The following ERBB4 variants were observed in gnomAD, a reference collection of about 807,000 sequenced individuals.
The protein encoded by ERBB4 is receptor tyrosine-protein kinase erbB-4.
In ERBB4, 42 loss-of-function variants were observed where a neutral mutation model predicts 158.0. The observed-to-expected ratio is 0.27, with a 90% CI of 0.21 to 0.34. The LOEUF (loss-of-function observed/expected upper bound fraction) is 0.34. Among genes scored for constraint, ERBB4 ranks in the 10% least tolerant of loss-of-function variants. The pLI, the probability that ERBB4 is intolerant of heterozygous loss-of-function variation, is 1.00. For missense variants in ERBB4, 1,333 were observed against 1,624.1 expected (o/e 0.82, Z 3.08); for synonymous variants, 583 against 558.7 (o/e 1.04, Z -0.61).
chr2:211,463,850 C>T (rs1323408296), intron 20 of ERBB4, among the ~76,000 whole-genome samples: 2 of 151,964 alleles, frequency 1.3e-5, no homozygotes, highest in African/African-American at 4.8e-5. Context: ...ATGATCTAGT[C>T]CCCATTACCT....
chr2:212,090,458 C>T (rs2078740350), intron 2 of ERBB4, among the ~76,000 whole-genome samples: 2 of 152,012 alleles, frequency 1.3e-5, no homozygotes, highest in African/African-American at 4.8e-5. Context: ...TCTAAAGCTC[C>T]CTGGAGGTCT....
chr2:212,150,171 A>G (rs2080823280), intron 1 of ERBB4, among the ~76,000 whole-genome samples: 1 of 152,136 alleles, frequency 6.6e-6, no homozygotes, highest in African/African-American at 2.4e-5. Flanking sequence ...AAATCCTCCA[A>G]AATTAAAGTG....
chr2:211,888,123 A>C (rs2078851538), intron 3 of ERBB4, among the ~76,000 whole-genome samples: 1 of 152,152 alleles, frequency 6.6e-6, no homozygotes, highest in Non-Finnish European at 1.5e-5. Context: ...AAGAAGCTTT[A>C]TTTTATAGTC....
At chr2:211,624,958 T>G (rs1290332684) in intron 17 of ERBB4, among the ~76,000 whole-genome samples, 1 of 151,172 alleles carries the variant, frequency 6.6e-6, no homozygotes, top group South Asian at 2.1e-4. Context: ...GTGGCCAAAG[T>G]AGTAAAATTA....
intron 16 of ERBB4, among the ~76,000 whole-genome samples, chr2:211,656,170 G>A (rs1321765432): frequency 6.6e-6 from 1 of 152,160 alleles, no homozygotes; most frequent in Non-Finnish European, 1.5e-5. Context: ...CTTGGAATGA[G>A]GTACAAGGTA....
At chr2:211,560,990 TAA>T (rs1010543474) in intron 20 of ERBB4, among the ~76,000 whole-genome samples, 2 of 152,206 alleles carry the variant, frequency 1.3e-5, no homozygotes, top group African/African-American at 4.8e-5. Flanking sequence ...TATGGAATCT[TAA>T]AAGACTTCGG....
chr2:212,271,000 G>A (rs1323103909), intron 1 of ERBB4, among the ~76,000 whole-genome samples: 1 of 151,754 alleles, frequency 6.6e-6, no homozygotes, highest in Non-Finnish European at 1.5e-5. Flanking sequence ...ATTATAAATT[G>A]TTTTTAGCCA....
intron 19 of ERBB4, among the ~76,000 whole-genome samples, chr2:211,562,652 T>A (rs982552432): frequency 6.6e-6 from 1 of 152,160 alleles, no homozygotes; most frequent in Non-Finnish European, 1.5e-5. Flanking sequence ...ATAAGATATT[T>A]TGTTTCATAA....
chr2:211,556,261 A>G (rs1045369386), intron 20 of ERBB4, among the ~76,000 whole-genome samples: 2 of 152,256 alleles, frequency 1.3e-5, no homozygotes, highest in Admixed American at 1.3e-4. Context: ...ATATGTGTGC[A>G]ACACAGGAGC....
At chr2:212,237,848 C>A (rs760456617) in intron 1 of ERBB4, among the ~76,000 whole-genome samples, 1 of 152,160 alleles carries the variant, frequency 6.6e-6, no homozygotes, top group Admixed American at 6.5e-5. Flanking sequence ...GTGCCCAGTT[C>A]GAACTTCCAA....
intron 2 of ERBB4, among the ~76,000 whole-genome samples, chr2:211,959,332 C>T (rs2125169869): frequency 6.6e-6 from 1 of 152,194 alleles, no homozygotes; most frequent in South Asian, 2.1e-4. Context: ...AAAATGATGG[C>T]TTGCCAAGAA....
chr2:211,927,171 T>TA (rs993279090), intron 3 of ERBB4, among the ~76,000 whole-genome samples: 2 of 152,164 alleles, frequency 1.3e-5, no homozygotes, highest in Non-Finnish European at 2.9e-5. Context: ...TCTCCTAACA[T>TA]AAGCACTGAA....
At position 211,483,905 on chromosome 2, in the gene ERBB4, A is replaced by T. The variant is rs76413753; in HGVS notation, c.2488-52805T>A. Among the ~76,000 whole-genome samples the T allele has an allele frequency of 9.4e-3, 1,426 of 152,286 alleles. 36 individuals carry two copies. Among genetic ancestry groups the T allele is most frequent in the African/African-American group, 0.032 (1,328 of 41,550 alleles). On this transcript the variant is annotated intron_variant, in intron 20 of 27. Coordinates refer to ENST00000342788, the MANE Select transcript of ERBB4 (RefSeq NM_005235.3). ...TAATACAAGTAAGAAGATAAAGAGC[A>T]ACATATTTAAAGTATGGAAAGAAAA...
chr2:211,708,479 T>C (rs2073537475), intron 9 of ERBB4, among the ~76,000 whole-genome samples: 1 of 152,150 alleles, frequency 6.6e-6, no homozygotes. Context: ...TAATCAAGTC[T>C]ATAAAATTAA....
chr2:211,716,339 G>C (rs1369353655), intron 7 of ERBB4, among the ~76,000 whole-genome samples: 4 of 120,872 alleles, frequency 3.3e-5, no homozygotes, highest in Non-Finnish European at 6.4e-5. Flanking sequence ...TCCAGCCTGG[G>C]CAACAACAGT....
At position 211,857,245 on chromosome 2, in the gene ERBB4, G is replaced by A. The variant is rs116359426; in HGVS notation, c.422-69086C>T. On this transcript the variant is annotated intron_variant, in intron 3 of 27. Transcript: ENST00000342788. ...AGTTTTTGCAACTGATATTTTAAAT[G>A]TCCTTCCTTTGCAAAATAGTTGGCA... 4.4e-3 allele frequency among the ~76,000 whole-genome samples: 639 copies of A among 146,434 alleles called. 8 individuals are homozygous for A. Among genetic ancestry groups the A allele is most frequent in the African/African-American group, 0.014 (582 of 40,262 alleles).
chr2:212,488,937 C>T (rs1490219597), intron 1 of ERBB4, among the ~76,000 whole-genome samples: 1 of 148,698 alleles, frequency 6.7e-6, no homozygotes. Context: ...GAGGGAATAA[C>T]TTCCCACTTC....
intron 1 of ERBB4, among the ~76,000 whole-genome samples, chr2:212,398,854 G>C (rs2091105778): frequency 6.6e-6 from 1 of 152,048 alleles, no homozygotes; most frequent in Non-Finnish European, 1.5e-5. Flanking sequence ...AAAGCAGATA[G>C]CATATTAATT....
chr2:211,865,269 GA>G (rs1291686943), intron 3 of ERBB4, among the ~76,000 whole-genome samples: 1 of 151,404 alleles, frequency 6.6e-6, no homozygotes, highest in African/African-American at 2.4e-5. Flanking sequence ...TAGGAGATTG[GA>G]AAAAACCTGT....
Sources: allele counts gnomAD v4.1 joint callset (sites outside exome capture counted in the v4.1 genomes callset), GRCh38; gene constraint gnomAD v4.1.1; transcripts MANE v1.5; gene names NCBI Gene and HGNC (gene_info 2026-07-23, HGNC 2026-07-21).